PALS2: variants seen among roughly 807,000 people sequenced by gnomAD.
The protein encoded by PALS2 is protein associated with LIN7 2, MAGUK p55 family member.
In PALS2, 27 loss-of-function variants were observed where a neutral mutation model predicts 61.6. The ratio of observed to expected loss-of-function variants is 0.44; its 90% CI spans 0.32 to 0.60. The LOEUF is 0.60. Ranked by LOEUF, PALS2 falls within the 20% of genes least tolerant of loss-of-function variation. The pLI is 0.05. For missense variants in PALS2, 554 were observed against 639.4 expected (o/e 0.87, Z 1.44); for synonymous variants, 236 against 218.6 (o/e 1.08, Z -0.70).
intron 2 of PALS2, among the ~76,000 whole-genome samples, chr7:24,634,944 C>G (rs1371141882): frequency 6.6e-6 from 1 of 152,138 alleles, no homozygotes; most frequent in Non-Finnish European, 1.5e-5. Flanking sequence ...ATAGATCTTT[C>G]CTTGTGGCAG....
chr7:24,642,330 G>GA (rs1421783791), intron 3 of PALS2, among the ~76,000 whole-genome samples: 1 of 152,154 alleles, frequency 6.6e-6, no homozygotes, highest in Non-Finnish European at 1.5e-5. Flanking sequence ...CACAGGTACA[G>GA]AAATAAGTAT....
chr7:24,684,875 A>T (rs1297923555), intron 11 of PALS2, among the ~76,000 whole-genome samples: 1 of 152,204 alleles, frequency 6.6e-6, no homozygotes, highest in East Asian at 1.9e-4. Context: ...ATCTGTATTA[A>T]CAATATGATT....
chr7:24,611,840 A>G (rs570724211), intron 1 of PALS2, among the ~76,000 whole-genome samples: 19 of 151,996 alleles, frequency 1.3e-4, no homozygotes, highest in African/African-American at 2.2e-4. Context: ...GAGTGGTGCA[A>G]ATTGAATCTA....
rs974213029 is a variant in PALS2, at chr7:24,689,356, A to G, written c.*1742A>G. The stretch of plus-strand genomic sequence containing the variant: ...ACTTTAAAGGATTAGGTGTTTAAAT[A>G]TTGATGGTCATCTTTGTCTGGTGTT... On this transcript the variant is annotated 3_prime_UTR_variant, in exon 12 of 12. Coordinates refer to ENST00000222644, the MANE Select transcript of PALS2 (RefSeq NM_001303037.2). 6.6e-6 allele frequency: 1 copy of G among 152,188 alleles called. No homozygotes were observed. The highest frequency in any genetic ancestry group is 2.4e-5 in the African/African-American group (1 of 41,446). The allele number at this position is 152,188 out of a possible 1,614,324, so 9.4% of individuals were successfully genotyped here. A position where few individuals can be genotyped will look rare whatever the true frequency, so the allele number is the denominator to read the frequency against.
In PALS2 at chr7:24,596,726, C is replaced by T. The variant is rs1287511100; in HGVS notation, c.-3+23133C>T. Among the ~76,000 whole-genome samples the T allele has an allele frequency of 1.3e-5, 2 of 152,040 alleles. No individual in the cohort carries two copies. The highest frequency in any genetic ancestry group is 1.9e-4 in the East Asian group (1 of 5,188). On this transcript the variant is annotated intron_variant, in intron 1 of 11. Coordinates refer to ENST00000222644, the MANE Select transcript of PALS2 (RefSeq NM_001303037.2). The surrounding 1 kb of genome is among the most constrained non-coding windows in gnomAD (Gnocchi z 4.5). ...TTTAAAAAGGAAAAAAAGGACTCTC[C>T]GTATATCTAGCTTTCTCCTGTGTGA...
intron 2 of PALS2, among the ~76,000 whole-genome samples, chr7:24,634,914 C>T (rs569116000): frequency 1.3e-5 from 2 of 152,252 alleles, no homozygotes; most frequent in South Asian, 4.1e-4. Flanking sequence ...TTTTTACTTT[C>T]AATTCTATTC....
chr7:24,593,328 C>T (rs1399746664), intron 1 of PALS2, among the ~76,000 whole-genome samples: 1 of 152,068 alleles, frequency 6.6e-6, no homozygotes, highest in African/African-American at 2.4e-5. Context: ...GTCTTGAATC[C>T]CTCAAAGTCA....
chr7:24,573,607 A>G lies in PALS2; in HGVS notation c.-3+14A>G, dbSNP rs1206988367. The G allele has an allele frequency of 3.4e-5, 12 of 351,408 alleles. No homozygotes were observed. The highest frequency in any genetic ancestry group is 1.6e-4 in the African/African-American group (7 of 44,750). The allele number at this position is 351,408 out of a possible 1,614,324, so 21.8% of individuals were successfully genotyped here. On this transcript the variant is annotated intron_variant, in intron 1 of 11. Coordinates refer to ENST00000222644, the MANE Select transcript of PALS2 (RefSeq NM_001303037.2). This position sits in a 1 kb window ranked among gnomAD's most constrained non-coding sequence, Gnocchi z 5.3. Reference sequence around the variant, plus strand: ...AGGTGCGAGCCGGTGAGTTAACTGGACCCCCACGCCGCTCGGGTAACGGTC... The same window carrying G: ...AGGTGCGAGCCGGTGAGTTAACTGGGCCCCCACGCCGCTCGGGTAACGGTC...
chr7:24,649,431 A>G (rs1443638631), intron 3 of PALS2, among the ~76,000 whole-genome samples, 181 bp from the exon 4 acceptor site: 6 of 152,136 alleles, frequency 3.9e-5, no homozygotes, highest in Non-Finnish European at 8.8e-5. Flanking sequence ...ATAAAACTAT[A>G]TATTTTTATA....
intron 2 of PALS2, among the ~76,000 whole-genome samples, chr7:24,625,201 TG>T (rs770442829): frequency 6.6e-6 from 1 of 152,190 alleles, no homozygotes; most frequent in African/African-American, 2.4e-5. Context: ...ATAGTTTACC[TG>T]GGTTCTTATT....
At chr7:24,658,924 T>C (rs1378146259) in intron 5 of PALS2, among the ~76,000 whole-genome samples, 1 of 151,986 alleles carries the variant, frequency 6.6e-6, no homozygotes, top group African/African-American at 2.4e-5. Flanking sequence ...GTTTCTGGAG[T>C]GTAGTGCACA....
chr7:24,635,703 A>AT, intron 2 of PALS2, among the ~76,000 whole-genome samples: 1 of 152,176 alleles, frequency 6.6e-6, no homozygotes, highest in South Asian at 2.1e-4. Context: ...CTATACCTTG[A>AT]TTTTTTGCAT....
intron 2 of PALS2, among the ~76,000 whole-genome samples, chr7:24,639,118 C>T (rs1300952270): frequency 6.6e-6 from 1 of 152,180 alleles, no homozygotes; most frequent in Non-Finnish European, 1.5e-5. Context: ...CCATGCTAAT[C>T]AGCAACAACT....
intron 3 of PALS2, among the ~76,000 whole-genome samples, chr7:24,648,738 T>C (rs1785977259): frequency 6.6e-6 from 1 of 151,884 alleles, no homozygotes; most frequent in Admixed American, 6.6e-5. Context: ...ACCCCGTCTC[T>C]ACTAAAAATA....
rs1197158091 is a variant in PALS2 at position 24,573,826 on chromosome 7, C to A, written c.-3+233C>A. Among the ~76,000 whole-genome samples, 3 of 149,684 alleles carry A rather than the reference C, an allele frequency of 2.0e-5. No individual in the cohort carries two copies. The highest frequency in any genetic ancestry group is 2.0e-4 in the East Asian group (1 of 5,076). ...CCCAGCCCGGCCCGCGCGGAAGGGG[C>A]GCTCGGCCGGGCTCCTGCCTCTCTG... is the stretch of plus-strand genomic sequence containing the variant. On this transcript the variant is annotated intron_variant, in intron 1 of 11. Coordinates refer to ENST00000222644, the MANE Select transcript of PALS2 (RefSeq NM_001303037.2). This position sits in a 1 kb window ranked among gnomAD's most constrained non-coding sequence, Gnocchi z 5.3.
intron 1 of PALS2, among the ~76,000 whole-genome samples, chr7:24,613,649 A>G (rs757426538): frequency 2.6e-5 from 4 of 151,852 alleles, no homozygotes; most frequent in Non-Finnish European, 5.9e-5. Flanking sequence ...GTTGTCAACT[A>G]TGGTCACCTT....
intron 6 of PALS2, among the ~76,000 whole-genome samples, chr7:24,664,191 A>G (rs904382976): frequency 6.6e-6 from 1 of 152,112 alleles, no homozygotes; most frequent in African/African-American, 2.4e-5. Flanking sequence ...CTCTTCTCAG[A>G]TATTGGGAAA....
rs1384912890 is a variant in PALS2, at chr7:24,580,568, A to G, written c.-3+6975A>G. ...TCCTCTGCCTTCTTGTTTCTTTTCT[A>G]CTAATGAATATTCAGGCATGGTTCT... On this transcript the variant is annotated intron_variant, in intron 1 of 11. Transcript: ENST00000222644. Among the ~76,000 whole-genome samples, 2 of 152,076 alleles carry G rather than the reference A, an allele frequency of 1.3e-5. 1 individual carries two copies. Among genetic ancestry groups the G allele is most frequent in the African/African-American group, 4.8e-5 (2 of 41,410 alleles).
Position 24,681,548 on chromosome 7 carries a change from GTTGA to G in PALS2, c.1446+1031_1446+1034del, listed in dbSNP as rs1407811844. Among the ~76,000 whole-genome samples the G allele has an allele frequency of 2.5e-3, 232 of 91,312 alleles. 1 individual carries two copies. The highest frequency in any genetic ancestry group is 9.8e-3 in the African/African-American group (223 of 22,724). The allele number at this position is 91,312 out of a possible 152,430, so 59.9% of individuals were successfully genotyped here. On this transcript the variant is annotated intron_variant, in intron 11 of 11. Transcript: ENST00000222644. ...AGATTTTTTTTTTTTTTTTTTTACT[GTTGA>G]TTTGTTCAAATAAGGATTCAAACAA...
Sources: gnomAD v4.1 joint callset for allele counts (sites outside exome capture counted in the v4.1 genomes callset) on GRCh38, gnomAD v4.1.1 for gene constraint, Gnocchi (gnomAD v3.1) non-coding constraint, MANE v1.5 for transcripts, NCBI Gene and HGNC (gene_info 2026-07-23, HGNC 2026-07-21) for gene names.